GRHL2: variants seen among roughly 807,000 people sequenced by gnomAD.
GRHL2 encodes the protein grainyhead like transcription factor 2, also known as grainyhead-like protein 2 homolog.
Under a neutral mutation model 83.8 loss-of-function variants are expected in GRHL2, and 21 were observed. The observed-to-expected ratio is 0.25, with a 90% CI of 0.18 to 0.36. The LOEUF (loss-of-function observed/expected upper bound fraction) is 0.36. Among genes scored for constraint, GRHL2 ranks in the 10% least tolerant of loss-of-function variants. The pLI is 1.00. For synonymous variants in GRHL2, 280 were observed against 278.9 expected, an observed-to-expected ratio of 1.00 and a Z score of -0.04; for missense variants, 623 against 781.8, an observed-to-expected ratio of 0.80 and a Z score of 2.42.
chr8:101,550,582 C>T (rs1274238295), intron 2 of GRHL2, among the ~76,000 whole-genome samples: 1 of 152,080 alleles, frequency 6.6e-6, no homozygotes, highest in East Asian at 1.9e-4. Flanking sequence ...TCCTTAATGC[C>T]TTTAAAAAAA....
rs1164289741 is a variant in GRHL2, at chr8:101,619,529, T to C, written c.1099-10T>C. 1.2e-6 allele frequency: 2 copies of C among 1,613,440 alleles called. No homozygotes were observed. Among genetic ancestry groups the C allele is most frequent in the Non-Finnish European group, 1.7e-6 (2 of 1,179,732 alleles). On this transcript the variant is annotated splice_polypyrimidine_tract_variant and intron_variant, in intron 8 of 15. Coordinates refer to ENST00000646743, the MANE Select transcript of GRHL2 (RefSeq NM_024915.4). The stretch of plus-strand genomic sequence containing the variant: ...TTGACTTGTGAACTTTTTCTTTCTC[T>C]TTCCCTCAGATTTTCATCACCGTGA...
At chr8:101,589,547 A>G (rs17477680) in intron 7 of GRHL2, among the ~76,000 whole-genome samples, 5,074 of 152,298 alleles carry the variant, frequency 0.033, 132 homozygotes, top group Non-Finnish European at 0.051. Flanking sequence ...ATAGGTTACA[A>G]TGTCAAATGT....
intron 14 of GRHL2, among the ~76,000 whole-genome samples, chr8:101,657,975 A>AAT (rs1813835075): frequency 6.6e-6 from 1 of 152,318 alleles, no homozygotes; most frequent in South Asian, 2.1e-4. Context: ...GGGTGATCTC[A>AAT]TCCAGCCCCT....
the GRHL2 span, among the ~76,000 whole-genome samples, chr8:101,677,074 G>C: frequency 6.6e-6 from 1 of 151,882 alleles, no homozygotes; most frequent in Non-Finnish European, 1.5e-5. Flanking sequence ...GGTGGGGTGA[G>C]GGGGGGATAG....
chr8:101,576,742 C>G (rs1291676146), intron 6 of GRHL2, among the ~76,000 whole-genome samples: 1 of 152,046 alleles, frequency 6.6e-6, no homozygotes, highest in Non-Finnish European at 1.5e-5. Flanking sequence ...TAATTTAGAA[C>G]TGAAAAGAGT....
chr8:101,656,663 A>G (rs1001355170), intron 14 of GRHL2, among the ~76,000 whole-genome samples: 1 of 152,340 alleles, frequency 6.6e-6, no homozygotes, highest in South Asian at 2.1e-4. Context: ...CAACCTCTCT[A>G]CACTCCAGTG....
intron 1 of GRHL2, among the ~76,000 whole-genome samples, chr8:101,543,009 C>T (rs1811186319): frequency 6.6e-6 from 1 of 152,172 alleles, no homozygotes; most frequent in Non-Finnish European, 1.5e-5. Context: ...AACATTCAAA[C>T]CATAATACCA....
intron 14 of GRHL2, among the ~76,000 whole-genome samples, chr8:101,663,635 A>AAATAAATT (rs1554598242): frequency 0.024 from 3,591 of 151,426 alleles, 120 homozygotes; most frequent in African/African-American, 0.076. Context: ...ATAAATAAAT[A>AAATAAATT]AATAAATAAA....
chr8:101,521,051 A>C (rs915450441), intron 1 of GRHL2, among the ~76,000 whole-genome samples: 1 of 152,170 alleles, frequency 6.6e-6, no homozygotes, highest in Non-Finnish European at 1.5e-5. Context: ...CTCATGCAAT[A>C]CTTGTATTAG....
chr8:101,507,864 G>A (rs13252635), intron 1 of GRHL2, among the ~76,000 whole-genome samples: 11,262 of 140,068 alleles, frequency 0.08, 543 homozygotes, highest in East Asian at 0.12. Flanking sequence ...TGCAACCTCC[G>A]TCTCCCGGGT....
chr8:101,663,047 A>ATGTT (rs1409294565), intron 14 of GRHL2, among the ~76,000 whole-genome samples: 1 of 152,090 alleles, frequency 6.6e-6, no homozygotes, highest in Non-Finnish European at 1.5e-5. Flanking sequence ...TGTTTAACGG[A>ATGTT]TGTTTGTTAT....
chr8:101,676,220 G>C, the GRHL2 span, among the ~76,000 whole-genome samples: 2,151 of 149,058 alleles, frequency 0.014, 12 homozygotes, highest in Non-Finnish European at 0.021. Context: ...GGGATCTAAT[G>C]AAACTAAAGA....
Position 101,667,080 on chromosome 8 carries a change from T to G in GRHL2, c.*377T>G. The stretch of plus-strand genomic sequence containing the variant: ...CACTCATCCCGAACAGCCTAAAAAA[T>G]TCCCATCCCTTCTCTCTCACCCCTC... On this transcript the variant is annotated 3_prime_UTR_variant, in exon 16 of 16. Transcript: ENST00000646743. The G allele has an allele frequency of 3.2e-6, 1 of 316,460 alleles. No individual in the cohort carries two copies. Among genetic ancestry groups the G allele is most frequent in the African/African-American group, 2.1e-5 (1 of 47,488 alleles). The allele number at this position is 316,460 out of a possible 1,614,324, so 19.6% of individuals were successfully genotyped here. A position where few individuals can be genotyped will look rare whatever the true frequency, so the allele number is the denominator to read the frequency against.
At chr8:101,495,455 A>G (rs189868146) in intron 1 of GRHL2, among the ~76,000 whole-genome samples, 1 of 152,190 alleles carries the variant, frequency 6.6e-6, no homozygotes, top group Admixed American at 6.5e-5. Context: ...TTTTTAGGAC[A>G]TTTTGTCTTT....
downstream of GRHL2, among the ~76,000 whole-genome samples, chr8:101,673,200 A>C (rs1814236972): frequency 6.6e-6 from 1 of 151,726 alleles, no homozygotes; most frequent in Admixed American, 6.6e-5. Context: ...TTCACACATA[A>C]CAATATTAAC....
At chr8:101,628,248 A>C (rs1283970460) in intron 9 of GRHL2, among the ~76,000 whole-genome samples, 1 of 151,986 alleles carries the variant, frequency 6.6e-6, no homozygotes, top group Non-Finnish European at 1.5e-5. Flanking sequence ...CTGCTCTCTT[A>C]AAGTTGAAGT....
chr8:101,512,152 CTT>C (rs935300597), intron 1 of GRHL2, among the ~76,000 whole-genome samples: 2 of 141,096 alleles, frequency 1.4e-5, no homozygotes, highest in African/African-American at 2.6e-5. Context: ...GTTATTTTGC[CTT>C]TTTTTTTTAA....
At chr8:101,676,871 C>A in the GRHL2 span, among the ~76,000 whole-genome samples, 459 of 152,208 alleles carry the variant, frequency 3.0e-3, 6 homozygotes, top group Non-Finnish European at 5.1e-4. Context: ...CCATGGAATA[C>A]TATGCAGCTA....
intron 3 of GRHL2, among the ~76,000 whole-genome samples, chr8:101,556,851 C>A (rs143573204): frequency 6.6e-6 from 1 of 150,804 alleles, no homozygotes; most frequent in Non-Finnish European, 1.5e-5. Context: ...CCATGTTTGT[C>A]CTAGTCCTTC....
Sources: allele counts gnomAD v4.1 joint callset (sites outside exome capture counted in the v4.1 genomes callset), GRCh38; gene constraint gnomAD v4.1.1; transcripts MANE v1.5; gene names NCBI Gene and HGNC (gene_info 2026-07-23, HGNC 2026-07-21).